The following HS3ST5 variants were observed in gnomAD, a reference collection of about 807,000 sequenced individuals.
The protein encoded by HS3ST5 is heparan sulfate glucosamine 3-O-sulfotransferase 5.
In HS3ST5, 10 loss-of-function variants were observed where a neutral mutation model predicts 25.4. The observed-to-expected ratio is 0.39, with a 90% CI of 0.24 to 0.67. HS3ST5 has a LOEUF of 0.67. Among genes scored for constraint, HS3ST5 ranks in the 30% least tolerant of loss-of-function variants. The probability of loss-of-function intolerance (pLI) is 0.44; values close to 1 mark genes in which losing one functional copy is unlikely to be tolerated. For synonymous variants in HS3ST5, 170 were observed against 162.4 expected (o/e 1.05, Z -0.36); for missense variants, 324 against 420.7 (o/e 0.77, Z 2.01).
intron 2 of HS3ST5, among the ~76,000 whole-genome samples, chr6:114,207,705 GA>G (rs1781335315): frequency 6.6e-6 from 1 of 151,698 alleles, no homozygotes; most frequent in East Asian, 1.9e-4. Context: ...CCTTTCCAAT[GA>G]AAAAAAATCT....
intron 3 of HS3ST5, among the ~76,000 whole-genome samples, chr6:114,136,729 A>G (rs1344268378): frequency 6.6e-6 from 1 of 152,200 alleles, no homozygotes; most frequent in East Asian, 1.9e-4. Flanking sequence ...ATGCCAATTC[A>G]AAAGCCTTGT....
intron 1 of HS3ST5, among the ~76,000 whole-genome samples, chr6:114,258,646 C>G (rs1773036391): frequency 6.6e-6 from 1 of 152,132 alleles, no homozygotes; most frequent in South Asian, 2.1e-4. Flanking sequence ...TTAATTGAAG[C>G]TCTTTTTGCC....
At chr6:114,168,070 A>G (rs546258292) in intron 3 of HS3ST5, among the ~76,000 whole-genome samples, 1 of 152,298 alleles carries the variant, frequency 6.6e-6, no homozygotes, top group South Asian at 2.1e-4. Context: ...ACAAAAAACA[A>G]CACACGCAAA....
intron 2 of HS3ST5, among the ~76,000 whole-genome samples, chr6:114,206,118 C>A (rs1240747485): frequency 1.3e-5 from 2 of 152,210 alleles, no homozygotes; most frequent in East Asian, 3.8e-4. Flanking sequence ...ACACCCTTAT[C>A]ACTCAGGAAA....
intron 3 of HS3ST5, chr6:114,115,981 A>AT (rs1254432432): frequency 1.3e-5 from 2 of 152,084 alleles, no homozygotes; most frequent in Non-Finnish European, 2.9e-5. Flanking sequence ...ATGAGCAGTT[A>AT]TTTTTTGATA....
intron 1 of HS3ST5, among the ~76,000 whole-genome samples, chr6:114,300,179 T>G (rs990235552): frequency 1.3e-5 from 2 of 151,918 alleles, no homozygotes; most frequent in Non-Finnish European, 2.9e-5. Flanking sequence ...TTAAAACTAT[T>G]GTGCTATAGT....
chr6:114,265,614 C>T (rs765840995), intron 1 of HS3ST5, among the ~76,000 whole-genome samples: 5 of 152,132 alleles, frequency 3.3e-5, no homozygotes, highest in Admixed American at 6.5e-5. Context: ...CAAGAGGACA[C>T]GGGTTCTAGC....
intron 3 of HS3ST5, among the ~76,000 whole-genome samples, chr6:114,069,752 G>A (rs1773688145): frequency 1.3e-5 from 2 of 151,974 alleles, no homozygotes; most frequent in African/African-American, 4.8e-5. Context: ...AAACTCCTGA[G>A]TTCAGGCAAT....
At chr6:114,287,118 A>G (rs1774373019) in intron 1 of HS3ST5, among the ~76,000 whole-genome samples, 1 of 152,010 alleles carries the variant, frequency 6.6e-6, no homozygotes, top group African/African-American at 2.4e-5. Flanking sequence ...TTTAGAAAAT[A>G]CAGACAATTA....
chr6:114,251,204 G>A (rs1453700019), intron 1 of HS3ST5, among the ~76,000 whole-genome samples: 1 of 152,200 alleles, frequency 6.6e-6, no homozygotes, highest in Non-Finnish European at 1.5e-5. Context: ...ATGTGTAGGA[G>A]AGCAGCTTTC....
chr6:114,214,780 G>A (rs1159753169), intron 2 of HS3ST5, among the ~76,000 whole-genome samples: 1 of 152,116 alleles, frequency 6.6e-6, no homozygotes, highest in African/African-American at 2.4e-5. Context: ...AAGAATCACT[G>A]ATGCTTCCAA....
At chr6:114,169,292 AAC>A (rs367564397) in intron 2 of HS3ST5, among the ~76,000 whole-genome samples, 13 of 150,788 alleles carry the variant, frequency 8.6e-5, no homozygotes, top group African/African-American at 1.7e-4. Flanking sequence ...TTTAGGGTAC[AAC>A]ACACACACAC....
intron 1 of HS3ST5, among the ~76,000 whole-genome samples, chr6:114,313,296 G>A (rs563512929): frequency 1.3e-5 from 2 of 152,130 alleles, no homozygotes. Flanking sequence ...ATAGCCTTAT[G>A]GAGATATACC....
intron 2 of HS3ST5, among the ~76,000 whole-genome samples, chr6:114,181,946 T>C (rs1779994203): frequency 1.3e-5 from 2 of 152,034 alleles, no homozygotes; most frequent in African/African-American, 2.4e-5. Context: ...ATTGCAAAGT[T>C]TTCTGAAGGA....
chr6:114,225,348 A>AGC (rs1340291468), intron 2 of HS3ST5, among the ~76,000 whole-genome samples: 1 of 151,890 alleles, frequency 6.6e-6, no homozygotes, highest in African/African-American at 2.4e-5. Context: ...TTGTTCAGTC[A>AGC]GCTCAAGTCA....
intron 3 of HS3ST5, among the ~76,000 whole-genome samples, chr6:114,092,528 G>A (rs577778263): frequency 6.6e-6 from 1 of 152,168 alleles, no homozygotes; most frequent in East Asian, 1.9e-4. Context: ...AGAAAGTCAT[G>A]CAGACCTTAT....
chr6:114,161,521 T>TTTTA (rs1464812966), intron 3 of HS3ST5, among the ~76,000 whole-genome samples: 2 of 33,540 alleles, frequency 6.0e-5, no homozygotes, highest in African/African-American at 9.6e-5. Context: ...TCCTGAAGTT[T>TTTTA]TATATATATA....
chr6:114,093,355 G>GTT (rs200143158), intron 3 of HS3ST5, among the ~76,000 whole-genome samples: 668 of 7,202 alleles, frequency 0.093, 1 homozygote, highest in Middle Eastern at 0.21. Flanking sequence ...TTGTTTGTTT[G>GTT]TGTGTGTGTG....
At chr6:114,302,196 TTG>T (rs1207593376) in intron 1 of HS3ST5, among the ~76,000 whole-genome samples, 2 of 152,148 alleles carry the variant, frequency 1.3e-5, no homozygotes, top group African/African-American at 4.8e-5. Flanking sequence ...CTTAATATAT[TTG>T]TTAGGCTCAA....
Sources: gnomAD v4.1 joint callset for allele counts (sites outside exome capture counted in the v4.1 genomes callset) on GRCh38, gnomAD v4.1.1 for gene constraint, MANE v1.5 for transcripts, NCBI Gene and HGNC (gene_info 2026-07-23, HGNC 2026-07-21) for gene names.